DPP4: variants seen among roughly 807,000 people sequenced by gnomAD.
The protein encoded by DPP4 is ADCP-2.
DPP4 carries 93 observed loss-of-function variants against 122.4 expected under a neutral mutation model. The ratio of observed to expected loss-of-function variants is 0.76; its 90% confidence interval spans 0.64 to 0.90. The LOEUF (loss-of-function observed/expected upper bound fraction) is 0.90, where lower values mean the gene tolerates loss of function less well. DPP4 is among the 40% of genes least tolerant of loss of function. The probability of loss-of-function intolerance (pLI) is 0.00; values close to 1 mark genes in which losing one functional copy is unlikely to be tolerated. For synonymous variants in DPP4, 321 were observed against 302.9 expected, an observed-to-expected ratio of 1.06 and a Z score of -0.62; for missense variants, 914 against 907.3, an observed-to-expected ratio of 1.01 and a Z score of -0.09.
At chr2:162,073,310 C>T (rs1158449777) in intron 2 of DPP4, 89 bp downstream of exon 2, 17 of 1,382,408 alleles carry the variant, frequency 1.2e-5, no homozygotes, top group South Asian at 5.9e-5. Flanking sequence ...TCCAACCCCA[C>T]GCAAAATCCC....
At chr2:161,999,972 A>G (rs1309086795) in intron 23 of DPP4, among the ~76,000 whole-genome samples, 1 of 152,164 alleles carries the variant, frequency 6.6e-6, no homozygotes, top group African/African-American at 2.4e-5. Context: ...CCTCAAACTC[A>G]TACTGCTGGT....
chr2:162,005,614 CT>C, intron 23 of DPP4, 130 bp downstream of exon 23: 2 of 759,534 alleles, frequency 2.6e-6, no homozygotes, highest in Non-Finnish European at 4.2e-6. Flanking sequence ...TCTAAACCAC[CT>C]GTGTTATTTC....
intron 19 of DPP4, among the ~76,000 whole-genome samples, chr2:162,013,487 G>GTCTGATAC (rs1224265697): frequency 1.7e-4 from 26 of 152,012 alleles, no homozygotes; most frequent in African/African-American, 6.3e-4. Flanking sequence ...TCAAAGCTGT[G>GTCTGATAC]TCTGATACTA....
chr2:162,016,404 A>C (rs1267957346), intron 18 of DPP4, among the ~76,000 whole-genome samples: 1 of 152,222 alleles, frequency 6.6e-6, no homozygotes, highest in African/African-American at 2.4e-5. Flanking sequence ...TTATACAACT[A>C]TCTCAGATAT....
intron 17 of DPP4, 42 bp downstream of exon 17, chr2:162,017,066 A>G (rs1239798887): frequency 1.3e-6 from 2 of 1,589,302 alleles, no homozygotes; most frequent in Non-Finnish European, 1.7e-6. Flanking sequence ...TATGCAACAC[A>G]CTTTCTTAGA....
chr2:162,066,687 G>C (rs1684957737), intron 2 of DPP4, among the ~76,000 whole-genome samples: 1 of 152,144 alleles, frequency 6.6e-6, no homozygotes, highest in African/African-American at 2.4e-5. Context: ...AGATTATTTG[G>C]ATCATGATTC....
chr2:162,066,405 C>T (rs1241244274), intron 2 of DPP4, among the ~76,000 whole-genome samples: 3 of 152,166 alleles, frequency 2.0e-5, no homozygotes, highest in Non-Finnish European at 4.4e-5. Context: ...ATGTCACATT[C>T]ATGCTGAAAT....
At chr2:162,019,107 G>A in intron 15 of DPP4, 116 bp downstream of exon 15, 2 of 981,606 alleles carry the variant, frequency 2.0e-6, no homozygotes, top group South Asian at 1.4e-5. Flanking sequence ...AATAAAAAGT[G>A]CTCAATAGCA....
At chr2:162,073,340 A>C in intron 2 of DPP4, 59 bp downstream of exon 2, 1 of 1,560,940 alleles carries the variant, frequency 6.4e-7, no homozygotes, top group South Asian at 1.1e-5. Context: ...TTAGCGTGGT[A>C]AGACGGAGCC....
intron 7 of DPP4, 66 bp from the exon 8 acceptor site, chr2:162,038,488 G>A (rs1275134019): frequency 3.4e-6 from 5 of 1,490,278 alleles, no homozygotes; most frequent in Admixed American, 4.3e-5. Flanking sequence ...CGGAATTGTA[G>A]AAACACTTAT....
At chr2:162,049,839 C>CT (rs899669049) in intron 2 of DPP4, among the ~76,000 whole-genome samples, 1 of 152,042 alleles carries the variant, frequency 6.6e-6, no homozygotes, top group Non-Finnish European at 1.5e-5. Flanking sequence ...CCTAAAACAA[C>CT]TTTGTTTCAA....
At chr2:162,027,073 T>C (rs1056234971) in intron 10 of DPP4, among the ~76,000 whole-genome samples, 1 of 152,150 alleles carries the variant, frequency 6.6e-6, no homozygotes, top group Non-Finnish European at 1.5e-5. Context: ...TAATGAAATA[T>C]TATTACTCTT....
In DPP4 at chr2:162,035,329, A is replaced by G. The variant is rs779940547; in HGVS notation, c.614-5T>C. On this transcript the variant is annotated splice_region_variant and splice_polypyrimidine_tract_variant and intron_variant, in intron 8 of 25. Transcript: ENST00000360534. ...AGTAGGCACTGAAGACTTCCTCTGA[A>G]AAAAGACACAAATTGTTCTGTTACA... is the stretch of plus-strand genomic sequence containing the variant. 2 of 1,608,596 alleles carry G rather than the reference A, an allele frequency of 1.2e-6. No individual in the cohort carries two copies. Among genetic ancestry groups the G allele is most frequent in the Non-Finnish European group, 8.5e-7 (1 of 1,178,530 alleles).
intron 20 of DPP4, among the ~76,000 whole-genome samples, chr2:162,010,390 TTACA>T (rs1682648028): frequency 6.6e-6 from 1 of 152,234 alleles, no homozygotes; most frequent in Non-Finnish European, 1.5e-5. Context: ...GTTTTTATCT[TTACA>T]TAAATTGCAT....
chr2:162,023,738 T>C (rs1054513289), intron 11 of DPP4, among the ~76,000 whole-genome samples: 1 of 152,214 alleles, frequency 6.6e-6, no homozygotes, highest in Non-Finnish European at 1.5e-5. Flanking sequence ...GAGGATTTCA[T>C]TGGCAGCAAG....
intron 2 of DPP4, among the ~76,000 whole-genome samples, chr2:162,055,671 C>CAA (rs372057652): frequency 2.6e-5 from 3 of 113,722 alleles, no homozygotes; most frequent in Admixed American, 9.0e-5. Flanking sequence ...AACTCTGTCT[C>CAA]AAAAAAAAAA....
intron 2 of DPP4, among the ~76,000 whole-genome samples, chr2:162,072,738 A>G (rs1685161004): frequency 6.6e-6 from 1 of 152,248 alleles, no homozygotes; most frequent in African/African-American, 2.4e-5. Context: ...CAAGCTAAAA[A>G]GACATGAAAG....
intron 2 of DPP4, among the ~76,000 whole-genome samples, chr2:162,049,607 C>A (rs1039319222): frequency 1.3e-5 from 2 of 152,000 alleles, no homozygotes; most frequent in African/African-American, 4.8e-5. Context: ...ATATAACAAA[C>A]CTGTACATCC....
At chr2:162,005,098 G>A (rs1256769391) in intron 23 of DPP4, among the ~76,000 whole-genome samples, 4 of 152,292 alleles carry the variant, frequency 2.6e-5, no homozygotes, top group South Asian at 4.1e-4. Flanking sequence ...TGGCTTTGCC[G>A]TGGCATCCAC....
Sources: allele counts gnomAD v4.1 joint callset (sites outside exome capture counted in the v4.1 genomes callset), GRCh38; gene constraint gnomAD v4.1.1; transcripts MANE v1.5; gene names NCBI Gene and HGNC (gene_info 2026-07-23, HGNC 2026-07-21).